The following GNAO1 variants were observed in gnomAD, a reference collection of about 807,000 sequenced individuals.
The protein encoded by GNAO1 is G protein subunit alpha o1, also known as guanine nucleotide-binding protein G(o) subunit alpha.
For synonymous variants in GNAO1, 164 were observed against 180.7 expected (o/e 0.91, Z 0.74); for missense variants, 166 against 478.7 (o/e 0.35, Z 6.10).
chr16:56,245,235 C>T (rs1012535376), intron 2 of GNAO1, among the ~76,000 whole-genome samples: 2 of 152,144 alleles, frequency 1.3e-5, no homozygotes, highest in African/African-American at 4.8e-5. Context: ...ATGATCAGGG[C>T]AATTTATCCA....
At chr16:56,327,652 CTT>C (rs1410677767) in intron 3 of GNAO1, among the ~76,000 whole-genome samples, 1 of 152,130 alleles carries the variant, frequency 6.6e-6, no homozygotes, top group Non-Finnish European at 1.5e-5. Context: ...TGATTGTAGT[CTT>C]TGAAAAGGCG....
chr16:56,332,537 C>T (rs2037699702), intron 4 of GNAO1, among the ~76,000 whole-genome samples: 1 of 152,264 alleles, frequency 6.6e-6, no homozygotes, highest in South Asian at 2.1e-4. Flanking sequence ...TGTTTACCAC[C>T]TCACACACGT....
At chr16:56,320,918 C>G (rs1189348248) in intron 3 of GNAO1, among the ~76,000 whole-genome samples, 2 of 152,240 alleles carry the variant, frequency 1.3e-5, no homozygotes, top group Non-Finnish European at 2.9e-5. Context: ...CTGCCTGCTA[C>G]TGAATCCCCC....
chr16:56,199,938 T>C (rs1385086082), intron 2 of GNAO1, among the ~76,000 whole-genome samples: 6 of 152,214 alleles, frequency 3.9e-5, no homozygotes, highest in South Asian at 2.1e-4. Context: ...CTTACTCTCT[T>C]GATTTGTCAA....
chr16:56,265,530 TC>T (rs1266074248), intron 2 of GNAO1, among the ~76,000 whole-genome samples: 1 of 152,222 alleles, frequency 6.6e-6, no homozygotes, highest in Non-Finnish European at 1.5e-5. Context: ...TCGTGCGGAC[TC>T]CCAGGTAAAA....
chr16:56,211,292 G>A (rs146355305), intron 2 of GNAO1, among the ~76,000 whole-genome samples: 4 of 152,266 alleles, frequency 2.6e-5, no homozygotes, highest in African/African-American at 4.8e-5. Flanking sequence ...TGAAATAAAC[G>A]TGTTCAGGCA....
At chr16:56,278,476 C>T (rs1567466695) in intron 3 of GNAO1, among the ~76,000 whole-genome samples, 1 of 152,172 alleles carries the variant, frequency 6.6e-6, no homozygotes, top group Admixed American at 6.5e-5. Context: ...TGTGGATTCG[C>T]AGCCTGTGGA....
At chr16:56,284,860 A>G (rs2143543067) in intron 3 of GNAO1, among the ~76,000 whole-genome samples, 1 of 152,316 alleles carries the variant, frequency 6.6e-6, no homozygotes, top group South Asian at 2.1e-4. Context: ...GAAAGGATGA[A>G]AGATGCAGAA....
At chr16:56,347,717 T>C (rs1305529051) in intron 6 of GNAO1, 4 of 985,528 alleles carry the variant, frequency 4.1e-6, no homozygotes, top group Admixed American at 6.2e-5. Context: ...CACCACTTCC[T>C]GGCAGTGCAG....
At chr16:56,344,868 C>T in intron 6 of GNAO1, 1 of 985,452 alleles carries the variant, frequency 1.0e-6, no homozygotes, top group Non-Finnish European at 1.2e-6. Flanking sequence ...GCTGGGGATT[C>T]TGTGGTTGCA....
In GNAO1 at chr16:56,356,458, G is replaced by A. The variant is rs1352040959; in HGVS notation, c.*384G>A. ...CCCTGGAGCTCCTGCTGGGGGGCAG[G>A]GCCCATCTGCCGCCTGGGGCTCCGG... On this transcript the variant is annotated 3_prime_UTR_variant, in exon 9 of 9. Transcript: ENST00000262493. The A allele has an allele frequency of 1.3e-5, 2 of 152,446 alleles. No homozygotes were observed. Among genetic ancestry groups the A allele is most frequent in the Admixed American group, 1.3e-4 (2 of 15,292 alleles). 9.4% of individuals were successfully genotyped at this position (152,446 alleles called of 1,614,324 possible).
chr16:56,330,212 G>C (rs1447837248), intron 4 of GNAO1, among the ~76,000 whole-genome samples: 1 of 152,230 alleles, frequency 6.6e-6, no homozygotes, highest in East Asian at 1.9e-4. Flanking sequence ...GGTCAGGGCA[G>C]TGAGCCCAGA....
intron 6 of GNAO1, chr16:56,346,790 A>G: frequency 1.0e-6 from 1 of 985,444 alleles, no homozygotes; most frequent in Non-Finnish European, 1.2e-6. Flanking sequence ...CATGGTCTGC[A>G]CTGGTCTTCT....
At chr16:56,348,570 A>G (rs1427784261) in intron 6 of GNAO1, among the ~76,000 whole-genome samples, 1 of 152,236 alleles carries the variant, frequency 6.6e-6, no homozygotes, top group Non-Finnish European at 1.5e-5. Context: ...GCTGTCAGCC[A>G]TCTATGATCT....
chr16:56,230,161 T>C (rs1420957874), intron 2 of GNAO1, among the ~76,000 whole-genome samples: 1 of 152,158 alleles, frequency 6.6e-6, no homozygotes, highest in African/African-American at 2.4e-5. Context: ...CTGCTCTGCA[T>C]GTACTGCGGG....
chr16:56,251,004 G>A (rs1377008483), intron 2 of GNAO1, among the ~76,000 whole-genome samples: 1 of 152,142 alleles, frequency 6.6e-6, no homozygotes, highest in African/African-American at 2.4e-5. Flanking sequence ...ATGAATATAA[G>A]GTGGCCCCAA....
At chr16:56,254,701 C>G (rs1221618024) in intron 2 of GNAO1, among the ~76,000 whole-genome samples, 2 of 152,056 alleles carry the variant, frequency 1.3e-5, no homozygotes, top group East Asian at 1.9e-4. Flanking sequence ...TTTCTTCCAT[C>G]TACAGTATGT....
intron 2 of GNAO1, among the ~76,000 whole-genome samples, chr16:56,252,502 C>G (rs1415961406): frequency 6.6e-6 from 1 of 152,264 alleles, no homozygotes; most frequent in African/African-American, 2.4e-5. Flanking sequence ...CCACTCACCA[C>G]CTGAGTGACC....
intron 2 of GNAO1, among the ~76,000 whole-genome samples, chr16:56,256,159 G>T (rs2036844326): frequency 6.6e-6 from 1 of 152,152 alleles, no homozygotes; most frequent in Non-Finnish European, 1.5e-5. Context: ...CACAGCTGGT[G>T]GGAGTGGAGC....
Sources: allele counts gnomAD v4.1 joint callset (sites outside exome capture counted in the v4.1 genomes callset), GRCh38; gene constraint gnomAD v4.1.1; transcripts MANE v1.5; gene names NCBI Gene and HGNC (gene_info 2026-07-23, HGNC 2026-07-21).